The following DET1 variants were observed in gnomAD, a reference collection of about 807,000 sequenced individuals.
The protein encoded by DET1 is DET1 homolog.
A neutral mutation model predicts 43.7 loss-of-function variants in DET1; 22 were observed. That is an observed-to-expected ratio of 0.50 (90% CI 0.36 to 0.72). The LOEUF is 0.72. Among genes scored for constraint, DET1 ranks in the 30% least tolerant of loss-of-function variants. DET1 has a pLI of 0.00. For synonymous variants in DET1, 315 were observed against 266.2 expected, an observed-to-expected ratio of 1.18 and a Z score of -1.79; for missense variants, 713 against 713.3, an observed-to-expected ratio of 1.00 and a Z score of 0.00.
At chr15:88,542,643 G>T (rs910826576) in intron 1 of DET1, among the ~76,000 whole-genome samples, 6 of 152,134 alleles carry the variant, frequency 3.9e-5, no homozygotes, top group African/African-American at 1.4e-4. Context: ...ACAATCGAGA[G>T]TATGAAAACA....
chr15:88,538,628 C>A (rs1230553002), intron 1 of DET1, among the ~76,000 whole-genome samples: 3 of 152,250 alleles, frequency 2.0e-5, no homozygotes, highest in South Asian at 2.1e-4. Context: ...TTCTCTAACA[C>A]CCCGGGTACA....
chr15:88,533,993 G>A (rs947408735), intron 1 of DET1, among the ~76,000 whole-genome samples: 10 of 151,672 alleles, frequency 6.6e-5, no homozygotes, highest in Non-Finnish European at 1.3e-4. Flanking sequence ...TGTTGAATGG[G>A]TTAGACTTTT....
chr15:88,508,060 C>T (rs2142245894), downstream of DET1, among the ~76,000 whole-genome samples: 1 of 152,310 alleles, frequency 6.6e-6, no homozygotes, highest in South Asian at 2.1e-4. Flanking sequence ...GTTGTGCGCT[C>T]CTTATGAGAA....
chr15:88,506,052 G>T (rs1254212067), intron 7 of DET1, among the ~76,000 whole-genome samples: 1 of 152,196 alleles, frequency 6.6e-6, no homozygotes. Flanking sequence ...TGGGCTGGGA[G>T]CAGACTGTGA....
At chr15:88,545,528 CTACTT>C (rs2057229267) in intron 1 of DET1, among the ~76,000 whole-genome samples, 1 of 152,214 alleles carries the variant, frequency 6.6e-6, no homozygotes, top group African/African-American at 2.4e-5. Context: ...CCCTGGCTAA[CTACTT>C]TAATCACTGG....
intron 1 of DET1, chr15:88,536,258 A>T (rs1483975955): frequency 1.3e-6 from 1 of 744,994 alleles, no homozygotes; most frequent in Non-Finnish European, 2.5e-6. Context: ...GAATTTACTG[A>T]TACACCCTAT....
At position 88,512,743 on chromosome 15, in the gene DET1, T is replaced by C. The variant is rs1376350572; in HGVS notation, c.*208A>G. The C allele has an allele frequency of 7.7e-7, 1 of 1,297,164 alleles. No individual in the cohort carries two copies. The highest frequency in any genetic ancestry group is 9.8e-7 in the Non-Finnish European group (1 of 1,025,194). 80.4% of individuals were successfully genotyped at this position (1,297,164 alleles called of 1,614,324 possible). ...CCCACAGGGAAAACGCAAGAGGATATTATAACAATCAGTAGCAGTATTGTA... is the reference window on the plus strand; with the variant it reads ...CCCACAGGGAAAACGCAAGAGGATACTATAACAATCAGTAGCAGTATTGTA... On this transcript the variant is annotated 3_prime_UTR_variant, in exon 5 of 5. Coordinates refer to ENST00000268148, the MANE Select transcript of DET1 (RefSeq NM_001144074.3).
chr15:88,524,358 T>G (rs1345182167), intron 3 of DET1, among the ~76,000 whole-genome samples: 1 of 148,610 alleles, frequency 6.7e-6, no homozygotes, highest in Non-Finnish European at 1.5e-5. Context: ...AGCCCCTGCC[T>G]GGCCACCGCC....
downstream of DET1, among the ~76,000 whole-genome samples, chr15:88,509,726 G>C (rs141865132): frequency 6.6e-6 from 1 of 152,360 alleles, no homozygotes; most frequent in African/African-American, 2.4e-5. Context: ...CTGAATGCAA[G>C]AGTACACAGG....
intron 2 of DET1, among the ~76,000 whole-genome samples, chr15:88,529,765 T>C (rs889357738): frequency 5.9e-5 from 9 of 152,202 alleles, no homozygotes; most frequent in African/African-American, 1.2e-4. Flanking sequence ...TGGGGAGACA[T>C]AGGTGTAGAA....
rs2056793498 is a variant in DET1, at chr15:88,530,913, G to A, written c.793C>T (p.Leu265=). 1 of 1,614,022 alleles carries A rather than the reference G, an allele frequency of 6.2e-7. No individual in the cohort carries two copies. Among genetic ancestry groups the A allele is most frequent in the East Asian group, 2.2e-5 (1 of 44,882 alleles). The change falls in exon 2 of 5, where the codon CTG becomes TTG. Residue 265 remains leucine (L), a synonymous_variant. Coordinates refer to ENST00000268148, the MANE Select transcript of DET1 (RefSeq NM_001144074.3). ...GGGAAAACAGCTGACACAGTGAGCA[G>A]GTCATCCTCATAGCAAAAGCGGCCA... ...TIGRFCYEDD[L]LTVSAVFPEV... is the part of the protein sequence containing the mutation.
In DET1 at chr15:88,531,997, T is replaced by C. The variant is rs1598339107; in HGVS notation, c.-10-282A>G. On this transcript the variant is annotated intron_variant, in intron 1 of 4. Coordinates refer to ENST00000268148, the MANE Select transcript of DET1 (RefSeq NM_001144074.3). This position sits in a 1 kb window ranked among gnomAD's most constrained non-coding sequence, Gnocchi z 6.2. ...ACAGAAAAAAACCTACAACTACAAA[T>C]TTGAACAGTATAAGACACATTCGGC... is the stretch of plus-strand genomic sequence containing the variant. 2.6e-6 allele frequency: 1 copy of C among 379,910 alleles called. No individual in the cohort carries two copies. Among genetic ancestry groups the C allele is most frequent in the East Asian group, 5.2e-5 (1 of 19,402 alleles). 23.5% of individuals were successfully genotyped at this position (379,910 alleles called of 1,614,324 possible).
intron 3 of DET1, among the ~76,000 whole-genome samples, chr15:88,523,704 G>C (rs8031096): frequency 0.7 from 105,536 of 151,838 alleles, 36,951 homozygotes; most frequent in South Asian, 0.8. Flanking sequence ...GCCTCCCGAG[G>C]TGCTGGGATT....
intron 2 of DET1, among the ~76,000 whole-genome samples, chr15:88,529,682 G>A (rs539347153): frequency 4.6e-5 from 7 of 152,290 alleles, no homozygotes; most frequent in South Asian, 2.1e-4. Context: ...AGTTGACTTC[G>A]TGGTTTACTG....
chr15:88,536,636 G>C (rs192653174), intron 1 of DET1, among the ~76,000 whole-genome samples: 467 of 151,752 alleles, frequency 3.1e-3, no homozygotes, highest in African/African-American at 7.8e-3. Flanking sequence ...AAATTAGCTG[G>C]GCATGGTGGC....
chr15:88,524,422 G>T (rs2056602136), intron 3 of DET1, among the ~76,000 whole-genome samples: 3 of 152,348 alleles, frequency 2.0e-5, no homozygotes, highest in Middle Eastern at 6.8e-3. Context: ...GGGAAGTGAG[G>T]AGCCCCTCTG....
intron 1 of DET1, among the ~76,000 whole-genome samples, chr15:88,538,128 G>T (rs1233484632): frequency 6.6e-6 from 1 of 152,148 alleles, no homozygotes. Flanking sequence ...ACTGAATTGG[G>T]ACACTTGTAA....
intron 7 of DET1, chr15:88,505,398 A>C (rs1004693657): frequency 1.3e-5 from 2 of 152,242 alleles, no homozygotes; most frequent in Non-Finnish European, 2.9e-5. Context: ...TTTGTAAAAA[A>C]TCATGTTCAT....
At chr15:88,530,560 A>C in intron 2 of DET1, 63 bp downstream of exon 2, 1 of 1,525,900 alleles carries the variant, frequency 6.6e-7, no homozygotes, top group Non-Finnish European at 8.8e-7. Context: ...ATAAACAAAC[A>C]GAGAAACCTT....
Sources: allele counts gnomAD v4.1 joint callset (sites outside exome capture counted in the v4.1 genomes callset), GRCh38; gene constraint gnomAD v4.1.1; non-coding constraint Gnocchi (gnomAD v3.1); transcripts MANE v1.5; gene names NCBI Gene and HGNC (gene_info 2026-07-23, HGNC 2026-07-21).